Variants in POLQ observed in about 807,000 individuals in gnomAD.
POLQ encodes the protein DNA polymerase theta, also known as epididymis secretory sperm binding protein.
A neutral mutation model predicts 259.2 loss-of-function variants in POLQ; 233 were observed. That is an observed-to-expected ratio of 0.90 (90% confidence interval 0.81 to 1.00). The LOEUF is 1.00. Ranked by LOEUF, POLQ falls within the 50% of genes least tolerant of loss-of-function variation. The pLI, the probability that POLQ is intolerant of heterozygous loss-of-function variation, is 0.00. For missense variants in POLQ, 2,871 were observed against 3,051.6 expected (o/e 0.94, Z 1.39); for synonymous variants, 1,025 against 1,048.8 (o/e 0.98, Z 0.44).
intron 6 of POLQ, among the ~76,000 whole-genome samples, chr3:121,530,157 ATT>A (rs571865987): frequency 6.6e-6 from 1 of 151,674 alleles, no homozygotes; most frequent in East Asian, 1.9e-4. Flanking sequence ...GGACTTTATG[ATT>A]TTTTTTTATT....
At chr3:121,537,309 A>T (rs1490439178) in intron 4 of POLQ, 101 bp from the exon 5 acceptor site, 2 of 694,890 alleles carry the variant, frequency 2.9e-6, no homozygotes, top group Non-Finnish European at 5.1e-6. Context: ...CTTTATATCA[A>T]CTTTTATTTT....
At chr3:121,535,250 T>C (rs1335858310) in intron 5 of POLQ, among the ~76,000 whole-genome samples, 1 of 152,072 alleles carries the variant, frequency 6.6e-6, no homozygotes, top group Non-Finnish European at 1.5e-5. Context: ...CACAGCACTG[T>C]GGAAAAAGAG....
At chr3:121,545,093 A>G (rs939116127) in intron 1 of POLQ, among the ~76,000 whole-genome samples, 187 bp from the exon 2 acceptor site, 2 of 152,210 alleles carry the variant, frequency 1.3e-5, no homozygotes, top group African/African-American at 4.8e-5. Flanking sequence ...TTTACTGCAT[A>G]TAATAAAAAT....
chr3:121,544,648 C>T (rs1576432018), intron 2 of POLQ, 79 bp downstream of exon 2: 11 of 927,838 alleles, frequency 1.2e-5, no homozygotes, highest in Admixed American at 2.5e-5. Flanking sequence ...ACCTTTTAAA[C>T]GAACCACAAC....
chr3:121,433,296 C>A (rs1221052538), intron 28 of POLQ, among the ~76,000 whole-genome samples: 1 of 152,168 alleles, frequency 6.6e-6, no homozygotes, highest in East Asian at 1.9e-4. Context: ...AAGCTCTAGT[C>A]CAACTTATTT....
At chr3:121,451,055 T>C (rs1188245713) in intron 25 of POLQ, among the ~76,000 whole-genome samples, 2 of 152,224 alleles carry the variant, frequency 1.3e-5, no homozygotes, top group African/African-American at 2.4e-5. Context: ...CAATCACTGA[T>C]ACCCTTTCTT....
In POLQ at chr3:121,483,399, TA is replaced by T; in HGVS notation, c.5956del (p.Tyr1986MetfsTer11). 1 of 1,555,454 alleles carries T rather than the reference TA, an allele frequency of 6.4e-7. No individual in the cohort carries two copies. The highest frequency in any genetic ancestry group is 8.6e-7 in the Non-Finnish European group (1 of 1,158,492). On this transcript the variant is annotated frameshift_variant, in exon 18 of 30. Transcript: ENST00000264233. LOFTEE classifies it high-confidence loss of function. ...TAGACATAGAACCTTAGGATCTTCA[TA>T]ACTTTGCTCCAAGGAGATGCCACAA... ...LSCGISLEQS[Y>X]EDPKVACWLL...
intron 19 of POLQ, among the ~76,000 whole-genome samples, chr3:121,477,219 T>A (rs1263626512): frequency 6.6e-6 from 1 of 152,174 alleles, no homozygotes; most frequent in Non-Finnish European, 1.5e-5. Flanking sequence ...AAGCCCCTCC[T>A]TGCCCCATTC....
chr3:121,460,863 AAAAC>A (rs2047786319), intron 24 of POLQ, among the ~76,000 whole-genome samples: 1 of 152,240 alleles, frequency 6.6e-6, no homozygotes, highest in African/African-American at 2.4e-5. Flanking sequence ...TGACAAAACA[AAAAC>A]AAAGTTAAAA....
intron 9 of POLQ, among the ~76,000 whole-genome samples, chr3:121,513,599 T>TA: frequency 2.8e-5 from 1 of 35,768 alleles, no homozygotes; most frequent in African/African-American, 1.3e-4. Context: ...AGACTCTATC[T>TA]CAAAAAAAAA....
rs112164513 is a variant in POLQ at position 121,526,875 on chromosome 3, A to ATGTGTG, written c.1108+2764_1108+2769dup. 4.9e-3 allele frequency among the ~76,000 whole-genome samples: 725 copies of ATGTGTG among 148,910 alleles called. 8 individuals carry two copies. Among genetic ancestry groups the ATGTGTG allele is most frequent in the African/African-American group, 0.017 (655 of 39,250 alleles). On this transcript the variant is annotated intron_variant, in intron 7 of 29. Transcript: ENST00000264233. ...TGTGTGTGTGCGTGTGTGTCTCTGT[A>ATGTGTG]TGTGTGTGTGTGTGTGCGCGCGCGC...
chr3:121,517,468 G>A (rs1420333407), intron 9 of POLQ, among the ~76,000 whole-genome samples: 1 of 152,048 alleles, frequency 6.6e-6, no homozygotes, highest in African/African-American at 2.4e-5. Context: ...TACTGGTGCT[G>A]AGACTGAAAG....
At position 121,467,617 on chromosome 3, in the gene POLQ, C is replaced by A; in HGVS notation, c.6869G>T (p.Ser2290Ile). ...CTGTGCCTGGCATCTAGGATTCACG[C>A]TGAAACCCTTCTTATATTTTCCTCT... ...MGRGKYKKGF[S>I]VNPRCQAQME... Residue 2290 changes from serine to isoleucine, a missense_variant, in exon 24 of 30, where the codon AGC becomes ATC. Physicochemically the swap from Ser to Ile is moderately radical, Grantham distance 142. This residue lies in a region of POLQ where 2,080 missense variants were observed against 2,126.0 expected (regional missense o/e 0.98). Coordinates refer to ENST00000264233, the MANE Select transcript of POLQ (RefSeq NM_199420.4). 3 of 1,613,880 alleles carry A rather than the reference C, an allele frequency of 1.9e-6. No homozygotes were observed. The highest frequency in any genetic ancestry group is 2.5e-6 in the Non-Finnish European group (3 of 1,179,782).
chr3:121,437,975 G>C (rs1177226548), intron 27 of POLQ, among the ~76,000 whole-genome samples: 1 of 152,116 alleles, frequency 6.6e-6, no homozygotes, highest in Non-Finnish European at 1.5e-5. Context: ...GGCTATTTCT[G>C]GGAAGGCGAT....
At chr3:121,436,669 G>A (rs1406905230) in intron 27 of POLQ, among the ~76,000 whole-genome samples, 1 of 152,008 alleles carries the variant, frequency 6.6e-6, no homozygotes, top group Non-Finnish European at 1.5e-5. Context: ...TTCTTTGGGA[G>A]GGGGGTTGGA....
At chr3:121,509,973 G>T in intron 11 of POLQ, 66 bp downstream of exon 11, 1 of 1,228,312 alleles carries the variant, frequency 8.1e-7, no homozygotes, top group South Asian at 1.3e-5. Flanking sequence ...TCCATTCACT[G>T]AGCAGTCATA....
At chr3:121,528,995 G>C (rs2048391785) in intron 7 of POLQ, among the ~76,000 whole-genome samples, 1 of 152,052 alleles carries the variant, frequency 6.6e-6, no homozygotes, top group Non-Finnish European at 1.5e-5. Flanking sequence ...TATATTTTAA[G>C]GTAGTATGTG....
chr3:121,495,208 T>G (rs1576416980), intron 14 of POLQ, among the ~76,000 whole-genome samples: 2 of 151,030 alleles, frequency 1.3e-5, no homozygotes, highest in Non-Finnish European at 3.0e-5. Context: ...GAGGCGGGGG[T>G]TGTGGTGAGC....
rs142067410 is a variant in POLQ, at chr3:121,436,160, T to G, written c.7505A>C (p.His2502Pro). ...LETFHSTFKSHGHREGMLQSD... is the reference protein window; with the variant it reads ...LETFHSTFKSPGHREGMLQSD... ...TTGGAGCATACCCTCTCGATGACCA[T>G]GGGATTTGAAGGTTGAGTGGAAGGT... is the stretch of plus-strand genomic sequence containing the variant. The change falls in exon 28 of 30, where the codon CAT becomes CCT. Residue 2502 changes from histidine (H) to proline (P), a missense_variant. Around this residue, in one of 3 missense-constraint regions of POLQ, gnomAD observed 2,080 missense variants for 2,126.0 expected, o/e 0.98. Coordinates refer to ENST00000264233, the MANE Select transcript of POLQ (RefSeq NM_199420.4). 1 of 1,613,796 alleles carries G rather than the reference T, an allele frequency of 6.2e-7. No homozygotes were observed. The highest frequency in any genetic ancestry group is 8.5e-7 in the Non-Finnish European group (1 of 1,179,824).
Sources: gnomAD v4.1 joint callset for allele counts (sites outside exome capture counted in the v4.1 genomes callset) on GRCh38, gnomAD v4.1.1 for gene constraint, gnomAD v4.1.1 regional missense constraint, MANE v1.5 for transcripts, NCBI Gene and HGNC (gene_info 2026-07-23, HGNC 2026-07-21) for gene names.